Variants in FSTL5 observed in about 807,000 individuals in gnomAD.
The protein encoded by FSTL5 is follistatin like 5, also known as follistatin-related protein 5.
FSTL5 carries 62 observed loss-of-function variants against 89.1 expected under a neutral mutation model. That is an observed-to-expected ratio of 0.70 (90% CI 0.57 to 0.86). The LOEUF is 0.86. FSTL5 is among the 40% of genes least tolerant of loss of function. The pLI is 0.00. For missense variants in FSTL5, 1,057 were observed against 1,001.6 expected, an observed-to-expected ratio of 1.06 and a Z score of -0.75; for synonymous variants, 383 against 346.2, an observed-to-expected ratio of 1.11 and a Z score of -1.18.
At chr4:161,698,739 C>A (rs1037315003) in intron 6 of FSTL5, among the ~76,000 whole-genome samples, 1 of 152,020 alleles carries the variant, frequency 6.6e-6, no homozygotes, top group Non-Finnish European at 1.5e-5. Flanking sequence ...ACCAGCGTGG[C>A]CAACGTGGTG....
At chr4:161,595,430 G>T (rs1044117802) in intron 7 of FSTL5, among the ~76,000 whole-genome samples, 24 of 152,148 alleles carry the variant, frequency 1.6e-4, no homozygotes, top group South Asian at 8.3e-4. Flanking sequence ...CACCATTACA[G>T]AGTTGCCTTA....
intron 3 of FSTL5, among the ~76,000 whole-genome samples, chr4:161,931,766 T>C (rs758921348): frequency 6.6e-6 from 1 of 151,970 alleles, no homozygotes; most frequent in Non-Finnish European, 1.5e-5. Context: ...AGTCTTAATG[T>C]TGTATGCTTT....
chr4:161,873,712 A>AT (rs776418892), intron 4 of FSTL5, among the ~76,000 whole-genome samples: 5 of 150,972 alleles, frequency 3.3e-5, no homozygotes, highest in Non-Finnish European at 2.9e-5. Flanking sequence ...ATTATCAATT[A>AT]TTTTTAATTC....
rs559900571 is a variant in FSTL5, at chr4:161,742,761, C to T, written c.727+16650G>A. ...ATCTGCTATCATATTTTAGCAGAAA[C>T]CTATTTCAAATATCCTAAAATATCC... is the stretch of plus-strand genomic sequence containing the variant. On this transcript the variant is annotated intron_variant, in intron 6 of 15. Coordinates refer to ENST00000306100, the MANE Select transcript of FSTL5 (RefSeq NM_020116.5). Among the ~76,000 whole-genome samples the T allele has an allele frequency of 2.2e-3, 338 of 152,188 alleles. 4 individuals are homozygous for T. Among genetic ancestry groups the T allele is most frequent in the South Asian group, 3.9e-3 (19 of 4,826 alleles).
chr4:161,640,296 A>T (rs944833938), intron 7 of FSTL5, among the ~76,000 whole-genome samples: 2 of 152,204 alleles, frequency 1.3e-5, no homozygotes, highest in African/African-American at 4.8e-5. Flanking sequence ...AGCCTGGCCC[A>T]TTCAAAGGAA....
chr4:162,097,109 G>T (rs780022476), intron 2 of FSTL5, among the ~76,000 whole-genome samples: 5 of 151,642 alleles, frequency 3.3e-5, no homozygotes, highest in Non-Finnish European at 5.9e-5. Flanking sequence ...TCTTTTCAAT[G>T]TTATTTCTGT....
At chr4:161,650,318 C>T (rs973771054) in intron 7 of FSTL5, among the ~76,000 whole-genome samples, 2 of 151,894 alleles carry the variant, frequency 1.3e-5, no homozygotes, top group Admixed American at 6.6e-5. Context: ...TTGAGTTTCA[C>T]GTAAATAAAG....
At chr4:161,816,802 C>T (rs1409596931) in intron 4 of FSTL5, among the ~76,000 whole-genome samples, 1 of 152,064 alleles carries the variant, frequency 6.6e-6, no homozygotes, top group Non-Finnish European at 1.5e-5. Context: ...TCAAGGGACC[C>T]TAAACTATTC....
At position 161,613,820 on chromosome 4, in the gene FSTL5, A is replaced by T. The variant is rs77018824; in HGVS notation, c.895-26245T>A. 1.3e-3 allele frequency among the ~76,000 whole-genome samples: 194 copies of T among 152,324 alleles called. 3 individuals are homozygous for T. In the East Asian group the frequency reaches 0.029, roughly 23 times the overall value. On this transcript the variant is annotated intron_variant, in intron 7 of 15. Coordinates refer to ENST00000306100, the MANE Select transcript of FSTL5 (RefSeq NM_020116.5). Reference sequence around the variant, plus strand: ...TTTATAATTATATGAAAGTAAAAAAAGTACCTAAATCTAAAAGTCATGTTT... The same window carrying T: ...TTTATAATTATATGAAAGTAAAAAATGTACCTAAATCTAAAAGTCATGTTT...
At chr4:161,619,138 T>A (rs374538177) in intron 7 of FSTL5, among the ~76,000 whole-genome samples, 4 of 152,106 alleles carry the variant, frequency 2.6e-5, no homozygotes, top group Admixed American at 6.6e-5. Context: ...GCTAGCCATA[T>A]GTAGAAAGCT....
At chr4:161,835,251 A>T (rs1390298033) in intron 4 of FSTL5, among the ~76,000 whole-genome samples, 4 of 152,114 alleles carry the variant, frequency 2.6e-5, no homozygotes, top group South Asian at 2.1e-4. Context: ...GCTAGCCATA[A>T]GTAGAAAGCT....
rs181234697 is a variant in FSTL5 at position 161,934,470 on chromosome 4, C to T, written c.161-13818G>A. On this transcript the variant is annotated intron_variant, in intron 3 of 15. Transcript: ENST00000306100. ...GTTTATCAAAAAAAATTGGACTGCC[C>T]TCAGTCATGAAATAACTCATATGTA... Among the ~76,000 whole-genome samples the T allele has an allele frequency of 9.2e-5, 14 of 152,128 alleles. No homozygotes were observed. In the East Asian group the frequency reaches 2.7e-3, roughly 29 times the overall value.
At chr4:161,395,045 TAACA>T (rs1186204188) in intron 15 of FSTL5, among the ~76,000 whole-genome samples, 1 of 152,148 alleles carries the variant, frequency 6.6e-6, no homozygotes, top group African/African-American at 2.4e-5. Context: ...GGGATTTAAA[TAACA>T]AACAGATTCT....
intron 2 of FSTL5, among the ~76,000 whole-genome samples, chr4:162,109,420 A>G (rs112906166): frequency 6.6e-6 from 1 of 152,194 alleles, no homozygotes; most frequent in African/African-American, 2.4e-5. Flanking sequence ...TGAAAGTTAG[A>G]TATGACCAGG....
chr4:161,822,301 G>A (rs939942123), intron 4 of FSTL5, among the ~76,000 whole-genome samples: 7 of 152,232 alleles, frequency 4.6e-5, no homozygotes, highest in South Asian at 2.1e-4. Flanking sequence ...GGCTTGTTCC[G>A]CCCACACAGC....
At chr4:161,518,322 AC>A (rs1283767156) in intron 10 of FSTL5, among the ~76,000 whole-genome samples, 1 of 152,206 alleles carries the variant, frequency 6.6e-6, no homozygotes, top group Non-Finnish European at 1.5e-5. Flanking sequence ...TCAAGAAATG[AC>A]ACTTGGAAAG....
At chr4:162,100,712 T>A (rs572762327) in intron 2 of FSTL5, among the ~76,000 whole-genome samples, 1 of 152,178 alleles carries the variant, frequency 6.6e-6, no homozygotes, top group Non-Finnish European at 1.5e-5. Context: ...ACTATAAATG[T>A]ACCACTCTGA....
intron 6 of FSTL5, among the ~76,000 whole-genome samples, chr4:161,684,869 A>C (rs1737660644): frequency 1.3e-5 from 2 of 152,168 alleles, no homozygotes; most frequent in African/African-American, 4.8e-5. Flanking sequence ...GTTATCTTGT[A>C]GAATTTTTAT....
At chr4:161,705,873 A>G (rs1738547406) in intron 6 of FSTL5, among the ~76,000 whole-genome samples, 1 of 145,220 alleles carries the variant, frequency 6.9e-6, no homozygotes. Context: ...CTGCATGCCA[A>G]TGCACTCCAG....
Sources: allele counts gnomAD v4.1 joint callset (sites outside exome capture counted in the v4.1 genomes callset), GRCh38; gene constraint gnomAD v4.1.1; transcripts MANE v1.5; gene names NCBI Gene and HGNC (gene_info 2026-07-23, HGNC 2026-07-21).